The following MARCHF1 variants were observed in gnomAD, a reference collection of about 807,000 sequenced individuals.
MARCHF1 encodes membrane associated ring-CH-type finger 1, also known as E3 ubiquitin-protein ligase MARCHF1.
A neutral mutation model predicts 54.2 loss-of-function variants in MARCHF1; 40 were observed. The observed-to-expected ratio is 0.74, with a 90% confidence interval of 0.57 to 0.96. MARCHF1 has a LOEUF of 0.96. Ranked by LOEUF, MARCHF1 falls within the 40% of genes least tolerant of loss-of-function variation. The probability of loss-of-function intolerance (pLI) is 0.00; values close to 1 mark genes in which losing one functional copy is unlikely to be tolerated. For synonymous variants in MARCHF1, 236 were observed against 236.3 expected, an observed-to-expected ratio of 1.00 and a Z score of 0.01; for missense variants, 586 against 656.5, an observed-to-expected ratio of 0.89 and a Z score of 1.17.
intron 4 of MARCHF1, among the ~76,000 whole-genome samples, chr4:163,724,074 T>C (rs182758329): frequency 6.6e-6 from 1 of 152,246 alleles, no homozygotes; most frequent in Non-Finnish European, 1.5e-5. Context: ...CGAGGAGCTG[T>C]GTTCCTTTGG....
At chr4:164,306,556 G>A (rs553239888) in intron 1 of MARCHF1, among the ~76,000 whole-genome samples, 3 of 152,202 alleles carry the variant, frequency 2.0e-5, no homozygotes, top group Admixed American at 6.5e-5. Flanking sequence ...CGTGAGTTCA[G>A]CCTACCTCTT....
At chr4:163,583,725 C>G (rs10011633) in intron 8 of MARCHF1, 2,975 of 140,280 alleles carry the variant, frequency 0.021, 102 homozygotes, top group African/African-American at 0.074. Flanking sequence ...TCAAAGCTCA[C>G]TGGAACCTTG....
intron 2 of MARCHF1, among the ~76,000 whole-genome samples, chr4:164,107,990 C>T (rs1055976924): frequency 6.6e-6 from 1 of 152,108 alleles, no homozygotes; most frequent in African/African-American, 2.4e-5. Context: ...TTCATCAGTT[C>T]ACTACATGTC....
intron 4 of MARCHF1, among the ~76,000 whole-genome samples, chr4:163,778,995 A>G (rs1747386380): frequency 6.6e-6 from 1 of 152,184 alleles, no homozygotes; most frequent in Non-Finnish European, 1.5e-5. Context: ...AAAAACAATA[A>G]AAACAATAAA....
intron 4 of MARCHF1, among the ~76,000 whole-genome samples, chr4:163,743,421 C>G (rs925710996): frequency 1.3e-5 from 2 of 152,170 alleles, no homozygotes; most frequent in Admixed American, 1.3e-4. Flanking sequence ...CAATAAGATG[C>G]TCTATGAGAG....
chr4:163,619,338 G>A (rs1421764406), intron 5 of MARCHF1, among the ~76,000 whole-genome samples: 1 of 152,078 alleles, frequency 6.6e-6, no homozygotes. Context: ...CAGTGAGGAT[G>A]GAGAAAAGGG....
chr4:164,278,453 A>G (rs956621894), intron 1 of MARCHF1, among the ~76,000 whole-genome samples: 1 of 152,238 alleles, frequency 6.6e-6, no homozygotes. Context: ...ATTTAGCATT[A>G]GAAAATTACA....
chr4:164,371,664 ACAAT>A (rs1430629180), intron 1 of MARCHF1, among the ~76,000 whole-genome samples: 2 of 152,218 alleles, frequency 1.3e-5, no homozygotes, highest in African/African-American at 2.4e-5. Flanking sequence ...ATGAGGGAAA[ACAAT>A]CAATAAGACA....
chr4:164,123,402 A>G (rs1756112740), intron 1 of MARCHF1, among the ~76,000 whole-genome samples: 1 of 152,128 alleles, frequency 6.6e-6, no homozygotes, highest in African/African-American at 2.4e-5. Flanking sequence ...CTATAGATTC[A>G]ATGCAATCTC....
chr4:164,043,930 C>A (rs577211793), intron 2 of MARCHF1, among the ~76,000 whole-genome samples: 6 of 152,336 alleles, frequency 3.9e-5, no homozygotes, highest in Admixed American at 3.9e-4. Context: ...GTGCCAGTCT[C>A]TTTGCGAAAG....
chr4:163,835,730 T>A (rs1034501853), intron 4 of MARCHF1, among the ~76,000 whole-genome samples: 6 of 152,198 alleles, frequency 3.9e-5, no homozygotes, highest in Admixed American at 3.3e-4. Context: ...TTGGCCAAAT[T>A]TTTTCTTTTA....
chr4:163,878,728 C>T (rs1212822979), intron 3 of MARCHF1, among the ~76,000 whole-genome samples: 2 of 152,152 alleles, frequency 1.3e-5, no homozygotes, highest in South Asian at 2.1e-4. Context: ...TTGTGGTTCA[C>T]GTAGAATTAA....
chr4:163,703,177 C>CT (rs1462120298), intron 4 of MARCHF1, among the ~76,000 whole-genome samples: 1 of 151,938 alleles, frequency 6.6e-6, no homozygotes, highest in African/African-American at 2.4e-5. Context: ...ATAAGAAACA[C>CT]TGAAAGAGCT....
chr4:164,356,510 T>G (rs141146059), intron 1 of MARCHF1, among the ~76,000 whole-genome samples: 13,698 of 83,114 alleles, frequency 0.16, 936 homozygotes, highest in Non-Finnish European at 0.21. Context: ...GTAAACTATC[T>G]CAAGAACAAA....
chr4:164,272,652 G>A (rs1404398672), intron 1 of MARCHF1, among the ~76,000 whole-genome samples: 3 of 151,696 alleles, frequency 2.0e-5, no homozygotes, highest in Admixed American at 1.3e-4. Context: ...AAGTAATTCT[G>A]AGTAGTTGAG....
At chr4:163,852,276 GTTTAT>G in intron 4 of MARCHF1, among the ~76,000 whole-genome samples, 1 of 152,014 alleles carries the variant, frequency 6.6e-6, no homozygotes, top group South Asian at 2.1e-4. Flanking sequence ...ATGTCATTAG[GTTTAT>G]TATTAGGTTA....
intron 2 of MARCHF1, among the ~76,000 whole-genome samples, chr4:164,045,680 T>TAA (rs10559720): frequency 3.5e-5 from 5 of 143,088 alleles, no homozygotes; most frequent in African/African-American, 7.6e-5. Context: ...TCTGGCTTAG[T>TAA]AAAAAAAAAA....
chr4:164,088,984 T>A (rs1158319782), intron 2 of MARCHF1, among the ~76,000 whole-genome samples: 7 of 152,168 alleles, frequency 4.6e-5, no homozygotes. Flanking sequence ...AAGACAAAGT[T>A]TTAAGCTTCA....
At position 164,172,929 on chromosome 4, in the gene MARCHF1, C is replaced by G. The variant is rs550969513; in HGVS notation, c.-322-61267G>C. Among the ~76,000 whole-genome samples the G allele has an allele frequency of 1.0e-4, 15 of 145,106 alleles. No individual in the cohort carries two copies. The South Asian group carries it at 3.2e-3, about 31-fold the overall frequency. ...CCGCAAGGCGGAGCTTGCAGTGAGCCGAGATCACGCCACTGCACTCCAGCC... is the reference window on the plus strand; with the variant it reads ...CCGCAAGGCGGAGCTTGCAGTGAGCGGAGATCACGCCACTGCACTCCAGCC... On this transcript the variant is annotated intron_variant, in intron 1 of 9. Coordinates refer to ENST00000514618, the MANE Select transcript of MARCHF1 (RefSeq NM_001394959.1).
Sources: gnomAD v4.1 joint callset for allele counts (sites outside exome capture counted in the v4.1 genomes callset) on GRCh38, gnomAD v4.1.1 for gene constraint, MANE v1.5 for transcripts, NCBI Gene and HGNC (gene_info 2026-07-23, HGNC 2026-07-21) for gene names.